FHIT: variants seen among roughly 807,000 people sequenced by gnomAD.
FHIT encodes fragile histidine triad diadenosine triphosphatase, also known as bis(5'-adenosyl)-triphosphatase.
In FHIT, 19 loss-of-function variants were observed where a neutral mutation model predicts 17.9. The observed-to-expected ratio is 1.06, with a 90% CI of 0.74 to 1.56. The LOEUF (loss-of-function observed/expected upper bound fraction) is 1.56, where lower values mean the gene tolerates loss of function less well. Ranked by LOEUF, FHIT falls within the 40% of genes most tolerant of loss-of-function variation. FHIT has a pLI of 0.00. For synonymous variants in FHIT, 81 were observed against 69.7 expected (o/e 1.16, Z -0.81); for missense variants, 248 against 189.2 (o/e 1.31, Z -1.82).
chr3:60,089,875 T>G (rs563758277), intron 5 of FHIT, among the ~76,000 whole-genome samples: 40 of 152,250 alleles, frequency 2.6e-4, no homozygotes, highest in African/African-American at 9.4e-4. Context: ...ACATGCAATT[T>G]GGAGGAGACA....
chr3:60,287,095 C>G (rs1166039266), intron 5 of FHIT, among the ~76,000 whole-genome samples: 1 of 152,180 alleles, frequency 6.6e-6, no homozygotes, highest in Non-Finnish European at 1.5e-5. Context: ...ATGTTGAACT[C>G]AGTCAGATCA....
chr3:61,157,250 AT>A (rs1423802874), intron 2 of FHIT, among the ~76,000 whole-genome samples: 1 of 152,082 alleles, frequency 6.6e-6, no homozygotes, highest in African/African-American at 2.4e-5. Flanking sequence ...CAAGTAGATT[AT>A]TTTTTTCATG....
At chr3:60,054,855 T>G (rs1233276508) in intron 5 of FHIT, among the ~76,000 whole-genome samples, 1 of 152,168 alleles carries the variant, frequency 6.6e-6, no homozygotes, top group Admixed American at 6.5e-5. Context: ...TCCGCAATAA[T>G]AATAGCATTT....
At chr3:60,325,447 T>C (rs1709648464) in intron 5 of FHIT, among the ~76,000 whole-genome samples, 1 of 152,220 alleles carries the variant, frequency 6.6e-6, no homozygotes, top group South Asian at 2.1e-4. Context: ...TACATACATT[T>C]TTTTCAATGA....
At chr3:59,796,116 T>C (rs1356660650) in intron 8 of FHIT, among the ~76,000 whole-genome samples, 1 of 152,204 alleles carries the variant, frequency 6.6e-6, no homozygotes, top group African/African-American at 2.4e-5. Context: ...CCTAATTTGC[T>C]TTCAAGACAA....
intron 5 of FHIT, among the ~76,000 whole-genome samples, chr3:60,074,444 G>C (rs1053880095): frequency 3.9e-5 from 6 of 151,940 alleles, no homozygotes; most frequent in African/African-American, 1.4e-4. Flanking sequence ...CCTTTGAAGA[G>C]CAAAGCATCA....
At chr3:60,172,789 T>C (rs1421334330) in intron 5 of FHIT, among the ~76,000 whole-genome samples, 2 of 152,152 alleles carry the variant, frequency 1.3e-5, no homozygotes, top group Non-Finnish European at 2.9e-5. Context: ...GTCCAGGCTG[T>C]TGCAGGAAAG....
intron 4 of FHIT, among the ~76,000 whole-genome samples, chr3:60,572,847 A>C (rs2037433253): frequency 6.6e-6 from 1 of 152,206 alleles, no homozygotes; most frequent in South Asian, 2.1e-4. Flanking sequence ...ACCTGGGACC[A>C]GTTGGTCAGC....
At chr3:59,959,577 C>G (rs1707568382) in intron 7 of FHIT, among the ~76,000 whole-genome samples, 1 of 152,188 alleles carries the variant, frequency 6.6e-6, no homozygotes, top group African/African-American at 2.4e-5. Context: ...TCCATCTAGT[C>G]ATTCATCCAT....
chr3:61,182,373 TACA>T (rs2038369207), intron 2 of FHIT, among the ~76,000 whole-genome samples: 2 of 152,350 alleles, frequency 1.3e-5, no homozygotes, highest in South Asian at 4.1e-4. Flanking sequence ...TCTATATTAA[TACA>T]ACATTTCTCT....
chr3:59,891,964 TCTCC>T, intron 8 of FHIT, among the ~76,000 whole-genome samples: 1 of 152,282 alleles, frequency 6.6e-6, no homozygotes, highest in Admixed American at 6.5e-5. Flanking sequence ...AACTGCGTTG[TCTCC>T]AAACTAAAAA....
intron 5 of FHIT, among the ~76,000 whole-genome samples, chr3:60,389,249 G>A (rs1701131424): frequency 6.6e-6 from 1 of 152,196 alleles, no homozygotes; most frequent in African/African-American, 2.4e-5. Context: ...ACCTGCCTGT[G>A]ATTTCATAAG....
At chr3:59,930,775 G>T (rs146830276) in intron 7 of FHIT, among the ~76,000 whole-genome samples, 191 of 152,324 alleles carry the variant, frequency 1.3e-3, no homozygotes, top group African/African-American at 4.5e-3. Flanking sequence ...CAGAAGAGGA[G>T]AGTGGCTTTT....
intron 5 of FHIT, among the ~76,000 whole-genome samples, chr3:60,049,406 T>C (rs114102566): frequency 0.016 from 2,505 of 152,156 alleles, 62 homozygotes; most frequent in African/African-American, 0.056. Context: ...TGAAAACCTG[T>C]ATCTTAATTA....
At chr3:61,211,918 A>G (rs2039490918) in intron 1 of FHIT, among the ~76,000 whole-genome samples, 1 of 152,242 alleles carries the variant, frequency 6.6e-6, no homozygotes, top group Non-Finnish European at 1.5e-5. Context: ...GACCTCTAGC[A>G]AACTCCAACA....
chr3:60,553,293 T>G, intron 4 of FHIT: 1 of 411,586 alleles, frequency 2.4e-6, no homozygotes, highest in Non-Finnish European at 3.3e-6. Context: ...TCATTATACA[T>G]TGTTTTGGTT....
At chr3:60,326,532 T>C (rs1353578129) in intron 5 of FHIT, among the ~76,000 whole-genome samples, 1 of 152,198 alleles carries the variant, frequency 6.6e-6, no homozygotes, top group Non-Finnish European at 1.5e-5. Context: ...CTTTGCTCAA[T>C]TGCCCACTGC....
At chr3:61,132,801 T>A (rs906068296) in intron 2 of FHIT, among the ~76,000 whole-genome samples, 1 of 152,088 alleles carries the variant, frequency 6.6e-6, no homozygotes, top group Non-Finnish European at 1.5e-5. Context: ...AACGTTAAGA[T>A]CTTACTCTGG....
rs1185673312 is a variant in FHIT at position 60,957,383 on chromosome 3, A to G, written c.-111+84664T>C. On this transcript the variant is annotated intron_variant, in intron 3 of 9. Coordinates refer to ENST00000492590, the MANE Select transcript of FHIT (RefSeq NM_002012.4). ...CTCCTGAGTAGCTGGGATTACAGGC[A>G]CGTGCCACCACACCTGGCTAATTTA... Among the ~76,000 whole-genome samples the G allele has an allele frequency of 4.0e-5, 6 of 151,830 alleles. No individual in the cohort carries two copies. The East Asian group carries it at 9.7e-4, about 25-fold the overall frequency.
Sources: allele counts gnomAD v4.1 joint callset (sites outside exome capture counted in the v4.1 genomes callset), GRCh38; gene constraint gnomAD v4.1.1; transcripts MANE v1.5; gene names NCBI Gene and HGNC (gene_info 2026-07-23, HGNC 2026-07-21).